ST8SIA1: variants seen among roughly 807,000 people sequenced by gnomAD.
The protein encoded by ST8SIA1 is alpha-N-acetylneuraminide alpha-2,8-sialyltransferase.
In ST8SIA1, 16 loss-of-function variants were observed where a neutral mutation model predicts 35.9. That is an observed-to-expected ratio of 0.45 (90% CI 0.30 to 0.68). The LOEUF (loss-of-function observed/expected upper bound fraction) is 0.68. Ranked by LOEUF, ST8SIA1 falls within the 30% of genes least tolerant of loss-of-function variation. The probability of loss-of-function intolerance (pLI) is 0.09; values close to 1 mark genes in which losing one functional copy is unlikely to be tolerated. For missense variants in ST8SIA1, 383 were observed against 453.6 expected (o/e 0.84, Z 1.41); for synonymous variants, 170 against 169.6 (o/e 1.00, Z -0.02).
intron 2 of ST8SIA1, among the ~76,000 whole-genome samples, chr12:22,262,564 GCACATGAGTTAAC>G (rs1865805089): frequency 6.6e-6 from 1 of 152,200 alleles, no homozygotes; most frequent in African/African-American, 2.4e-5. Flanking sequence ...ACCTCTAGAA[GCACATGAGTTAAC>G]CACCATAAAT....
intron 2 of ST8SIA1, among the ~76,000 whole-genome samples, chr12:22,284,814 T>C (rs375666325): frequency 9.8e-5 from 15 of 152,376 alleles, no homozygotes; most frequent in Middle Eastern, 3.4e-3. Context: ...TATAACCCTA[T>C]TGCTGCAACC....
At chr12:22,297,805 G>C (rs1182971408) in intron 1 of ST8SIA1, among the ~76,000 whole-genome samples, 1 of 152,018 alleles carries the variant, frequency 6.6e-6, no homozygotes, top group Non-Finnish European at 1.5e-5. Flanking sequence ...AAAATCCTCG[G>C]AAACTCAAAA....
chr12:22,286,624 GT>G, intron 2 of ST8SIA1: 11 of 462,522 alleles, frequency 2.4e-5, no homozygotes, highest in South Asian at 1.8e-4. Context: ...TAAATATTAA[GT>G]AAGCAAAGCT....
At chr12:22,219,946 T>C (rs1865279835) in intron 4 of ST8SIA1, among the ~76,000 whole-genome samples, 1 of 152,216 alleles carries the variant, frequency 6.6e-6, no homozygotes, top group Admixed American at 6.5e-5. Flanking sequence ...CCATTTTCAG[T>C]AAGATCACTT....
chr12:22,196,895 T>C lies in ST8SIA1; in HGVS notation c.*4657A>G, dbSNP rs1049474901. 1.3e-5 allele frequency: 2 copies of C among 152,222 alleles called. No homozygotes were observed. Among genetic ancestry groups the C allele is most frequent in the African/African-American group, 4.8e-5 (2 of 41,444 alleles). 9.4% of individuals were successfully genotyped at this position (152,222 alleles called of 1,614,324 possible). ...AGTCACAATGCTACTAGCTCAACTCTGGAGCCAAGGCAGCTCTCCTGGGAG... is the reference window on the plus strand; with the variant it reads ...AGTCACAATGCTACTAGCTCAACTCCGGAGCCAAGGCAGCTCTCCTGGGAG... On this transcript the variant is annotated 3_prime_UTR_variant, in exon 5 of 5. Transcript: ENST00000396037.
At chr12:22,266,880 C>T (rs1038302184) in intron 2 of ST8SIA1, among the ~76,000 whole-genome samples, 18 of 148,630 alleles carry the variant, frequency 1.2e-4, no homozygotes, top group African/African-American at 4.2e-4. Flanking sequence ...CACACACACA[C>T]ATATACACAA....
At chr12:22,278,385 T>C (rs1454530012) in intron 2 of ST8SIA1, among the ~76,000 whole-genome samples, 2 of 152,246 alleles carry the variant, frequency 1.3e-5, no homozygotes, top group Non-Finnish European at 1.5e-5. Context: ...CTACAAACTG[T>C]AGCAACTTCA....
rs1433837009 is a variant in ST8SIA1, at chr12:22,247,790, C to T, written c.584+1216G>A. On this transcript the variant is annotated intron_variant, in intron 4 of 4. Transcript: ENST00000396037. ...AGAATATAAATTAAAATATATGTGA[C>T]AGGCTAGAATAAAATATTTGATACA... is the stretch of plus-strand genomic sequence containing the variant. Among the ~76,000 whole-genome samples, 3 of 151,982 alleles carry T rather than the reference C, an allele frequency of 2.0e-5. No individual in the cohort carries two copies. In the East Asian group the frequency reaches 5.8e-4, roughly 29 times the overall value.
intron 4 of ST8SIA1, among the ~76,000 whole-genome samples, chr12:22,226,303 C>G (rs1306890434): frequency 6.6e-6 from 1 of 152,182 alleles, no homozygotes; most frequent in Non-Finnish European, 1.5e-5. Flanking sequence ...TACCTTGACT[C>G]TTACTCCATT....
intron 2 of ST8SIA1, among the ~76,000 whole-genome samples, chr12:22,285,877 C>CAA (rs1398352110): frequency 2.9e-4 from 30 of 103,622 alleles, no homozygotes; most frequent in African/African-American, 4.5e-4. Context: ...CTGTCAAAAA[C>CAA]AAAAAAAAAA....
chr12:22,206,489 A>G (rs1171179066), intron 4 of ST8SIA1, among the ~76,000 whole-genome samples: 1 of 152,342 alleles, frequency 6.6e-6, no homozygotes, highest in East Asian at 1.9e-4. Flanking sequence ...AGGACGCGTC[A>G]GTTTCCAGGT....
intron 1 of ST8SIA1, among the ~76,000 whole-genome samples, chr12:22,323,183 G>C (rs1282898337): frequency 1.3e-5 from 2 of 152,192 alleles, no homozygotes; most frequent in Non-Finnish European, 2.9e-5. Flanking sequence ...ACCTGCCACT[G>C]TACATATCCA....
intron 1 of ST8SIA1, among the ~76,000 whole-genome samples, chr12:22,297,290 G>C (rs1866258076): frequency 6.6e-6 from 1 of 151,116 alleles, no homozygotes; most frequent in Non-Finnish European, 1.5e-5. Context: ...AAGATGATAA[G>C]GGAAGTGACA....
Position 22,195,823 on chromosome 12 carries a change from T to C in ST8SIA1, c.*5729A>G, listed in dbSNP as rs1472927072. 1 of 152,220 alleles carries C rather than the reference T, an allele frequency of 6.6e-6. No individual in the cohort carries two copies. The highest frequency in any genetic ancestry group is 1.5e-5 in the Non-Finnish European group (1 of 68,032). 9.4% of individuals were successfully genotyped at this position (152,220 alleles called of 1,614,324 possible). ...TATTACAATTTTCTGTTCGTAATGC[T>C]GTGCAGATAAAATAGACATTAACTG... is the stretch of plus-strand genomic sequence containing the variant. On this transcript the variant is annotated 3_prime_UTR_variant, in exon 5 of 5. Transcript: ENST00000396037.
chr12:22,317,691 T>C (rs1866538081), intron 1 of ST8SIA1, among the ~76,000 whole-genome samples: 2 of 152,218 alleles, frequency 1.3e-5, no homozygotes, highest in African/African-American at 4.8e-5. Flanking sequence ...CCATGGTCTT[T>C]TCATAACCTA....
At chr12:22,319,563 G>C (rs962244107) in intron 1 of ST8SIA1, among the ~76,000 whole-genome samples, 12 of 152,206 alleles carry the variant, frequency 7.9e-5, no homozygotes, top group Admixed American at 3.3e-4. Context: ...TGGAGATGCA[G>C]CTTCTGAGTA....
intron 4 of ST8SIA1, 91 bp downstream of exon 4, chr12:22,248,915 C>G: frequency 1.1e-6 from 1 of 933,766 alleles, no homozygotes; most frequent in Non-Finnish European, 1.7e-6. Context: ...CTTGATTTCC[C>G]AAACTGAATT....
intron 4 of ST8SIA1, among the ~76,000 whole-genome samples, chr12:22,225,317 C>T (rs1489523633): frequency 6.6e-6 from 1 of 151,960 alleles, no homozygotes; most frequent in Non-Finnish European, 1.5e-5. Flanking sequence ...ATTTTGTGCT[C>T]AAAGAGTGAA....
intron 1 of ST8SIA1, among the ~76,000 whole-genome samples, chr12:22,309,119 T>A (rs1866418677): frequency 6.6e-6 from 1 of 152,118 alleles, no homozygotes; most frequent in Non-Finnish European, 1.5e-5. Flanking sequence ...CCCAAGCAAC[T>A]GAATGGACAC....
Sources: allele counts gnomAD v4.1 joint callset (sites outside exome capture counted in the v4.1 genomes callset), GRCh38; gene constraint gnomAD v4.1.1; transcripts MANE v1.5; gene names NCBI Gene and HGNC (gene_info 2026-07-23, HGNC 2026-07-21).